The following ZNF84 variants were observed in gnomAD, a reference collection of about 807,000 sequenced individuals.
The protein encoded by ZNF84 is zinc finger protein HPF2.
In ZNF84, 12 loss-of-function variants were observed where a neutral mutation model predicts 14.8. That is an observed-to-expected ratio of 0.81 (90% confidence interval 0.52 to 1.31). The LOEUF is 1.31. ZNF84 is among the 50% of genes most tolerant of loss of function. The pLI, the probability that ZNF84 is intolerant of heterozygous loss-of-function variation, is 0.00. For missense variants in ZNF84, 859 were observed against 878.6 expected, an observed-to-expected ratio of 0.98 and a Z score of 0.28; for synonymous variants, 347 against 291.1, an observed-to-expected ratio of 1.19 and a Z score of -1.96.
intron 2 of ZNF84, among the ~76,000 whole-genome samples, chr12:133,042,813 TA>T (rs1304758717): frequency 1.3e-5 from 2 of 152,236 alleles, no homozygotes; most frequent in Non-Finnish European, 2.9e-5. Context: ...AAGTATGTTT[TA>T]AAAAATACAG....
intron 4 of ZNF84, among the ~76,000 whole-genome samples, chr12:133,053,829 T>A (rs1211960546): frequency 1.3e-5 from 2 of 152,168 alleles, no homozygotes. Context: ...ATAAACACCA[T>A]AATCTACCAA....
Position 133,046,973 on chromosome 12 carries a change from T to TTATA in ZNF84, c.16-971_16-968dup, listed in dbSNP as rs61361964. Among the ~76,000 whole-genome samples the TTATA allele has an allele frequency of 2.1e-3, 293 of 140,916 alleles. 2 individuals are homozygous for TTATA. The highest frequency in any genetic ancestry group is 7.3e-3 in the Middle Eastern group (2 of 274). The allele number at this position is 140,916 out of a possible 152,430, so 92.4% of individuals were successfully genotyped here. A position where few individuals can be genotyped will look rare whatever the true frequency, so the allele number is the denominator to read the frequency against. ...TATATTATATTATGTATTATATTATTTATATATATATATAATACAGGTCTC... is the reference window on the plus strand; with the variant it reads ...TATATTATATTATGTATTATATTATTTATATATATATATATATAATACAGGTCTC... On this transcript the variant is annotated intron_variant, in intron 2 of 4. Transcript: ENST00000539354.
intron 4 of ZNF84, among the ~76,000 whole-genome samples, chr12:133,052,091 A>T (rs1696392): frequency 0.47 from 71,047 of 151,994 alleles, 18,373 homozygotes; most frequent in East Asian, 0.78. Flanking sequence ...CAGAAAAATT[A>T]GATGAGAGAA....
At chr12:133,056,851 C>A in intron 4 of ZNF84, 103 bp from the exon 5 acceptor site, 1 of 970,864 alleles carries the variant, frequency 1.0e-6, no homozygotes, top group Non-Finnish European at 1.5e-6. Context: ...GAAACTAAGC[C>A]TTAAAAGCAG....
chr12:133,048,788 T>G lies in ZNF84; in HGVS notation c.178T>G (p.Leu60Val). The change falls in exon 4 of 5, where the codon TTG (leucine) becomes GTG (valine). Residue 60 changes from leucine to valine, a missense_variant. By Grantham distance (32) the Leu-to-Val change is conservative (BLOSUM62 1). Transcript: ENST00000539354. ...EVMKPDVIFK[L>V]EQGEEPWVGD... is the part of the protein sequence containing the mutation. ...TATGAAACCAGATGTCATCTTCAAATTGGAGCAAGGAGAAGAGCCGTGGGT... is the reference window on the plus strand; with the variant it reads ...TATGAAACCAGATGTCATCTTCAAAGTGGAGCAAGGAGAAGAGCCGTGGGT... 1.2e-6 allele frequency: 2 copies of G among 1,613,840 alleles called. No homozygotes were observed. The highest frequency in any genetic ancestry group is 8.5e-7 in the Non-Finnish European group (1 of 1,179,872).
chr12:133,055,821 C>T (rs113367758), intron 4 of ZNF84, among the ~76,000 whole-genome samples: 12 of 152,168 alleles, frequency 7.9e-5, no homozygotes, highest in East Asian at 7.7e-4. Flanking sequence ...AAAATTGGCC[C>T]GGCGCAGTGG....
At chr12:133,056,012 G>T (rs1404525395) in intron 4 of ZNF84, among the ~76,000 whole-genome samples, 4 of 152,184 alleles carry the variant, frequency 2.6e-5, no homozygotes, top group Non-Finnish European at 5.9e-5. Context: ...AAGGTGGGAG[G>T]ATCTAAGTGG....
intron 4 of ZNF84, among the ~76,000 whole-genome samples, chr12:133,050,308 T>TA (rs1211934647): frequency 1.3e-5 from 2 of 152,182 alleles, no homozygotes; most frequent in Non-Finnish European, 2.9e-5. Context: ...GAAGCCCAGG[T>TA]ATTTATGTAC....
At chr12:133,041,545 G>A (rs906535874) in intron 2 of ZNF84, 63 bp downstream of exon 2, 3 of 1,542,904 alleles carry the variant, frequency 1.9e-6, no homozygotes, top group Non-Finnish European at 2.7e-6. Flanking sequence ...TAAGCCTTCC[G>A]GTGAAAAAGA....
chr12:133,048,316 G>T, intron 3 of ZNF84: 1 of 414,378 alleles, frequency 2.4e-6, no homozygotes, highest in East Asian at 4.1e-5. Flanking sequence ...AGTAGTAATA[G>T]TTTGAGCAGT....
chr12:133,049,818 A>AT (rs1954043108), intron 4 of ZNF84, among the ~76,000 whole-genome samples: 1 of 151,770 alleles, frequency 6.6e-6, no homozygotes, highest in South Asian at 2.1e-4. Context: ...TTGTTTAAAA[A>AT]TTTTTTTTCT....
chr12:133,042,917 C>T (rs1953910830), intron 2 of ZNF84, among the ~76,000 whole-genome samples: 1 of 152,154 alleles, frequency 6.6e-6, no homozygotes, highest in Non-Finnish European at 1.5e-5. Context: ...CTTCATGTGC[C>T]CTCTCCCAGT....
chr12:133,060,673 ATCTG>A lies in ZNF84; in HGVS notation c.*1743_*1746del, dbSNP rs1954246133. ...GTCACATCCTCTTAAGTCAGGAACTATCTGTATAAGGAAACAAGATTTCCATTTT... is the reference window on the plus strand; with the variant it reads ...GTCACATCCTCTTAAGTCAGGAACTATATAAGGAAACAAGATTTCCATTTT... On this transcript the variant is annotated 3_prime_UTR_variant, in exon 5 of 5. Transcript: ENST00000539354. The A allele has an allele frequency of 6.6e-6, 1 of 152,252 alleles. No homozygotes were observed. Among genetic ancestry groups the A allele is most frequent in the Non-Finnish European group, 1.5e-5 (1 of 68,050 alleles). 9.4% of individuals were successfully genotyped at this position (152,252 alleles called of 1,614,324 possible).
At position 133,048,749 on chromosome 12, in the gene ZNF84, A is replaced by G. The variant is rs1332086435; in HGVS notation, c.143-4A>G. On this transcript the variant is annotated splice_polypyrimidine_tract_variant and splice_region_variant and intron_variant, in intron 3 of 4. Transcript: ENST00000539354. Reference sequence around the variant, plus strand: ...CAAGGCCTTTGTGATTTTTCCCTTAACAGGGTATGAAGTTATGAAACCAGA... The same window carrying G: ...CAAGGCCTTTGTGATTTTTCCCTTAGCAGGGTATGAAGTTATGAAACCAGA... 6 of 1,613,008 alleles carry G rather than the reference A, an allele frequency of 3.7e-6. No individual in the cohort carries two copies. The East Asian group carries it at 8.9e-5, about 24-fold the overall frequency.
At position 133,057,668 on chromosome 12, in the gene ZNF84, C is replaced by A. The variant is rs1954185002; in HGVS notation, c.953C>A (p.Pro318His). Residue 318 changes from proline (P) to histidine (H), a missense_variant, in exon 5 of 5, where the codon CCC becomes CAC. Pro to His is a moderately conservative substitution (Grantham distance 77). Transcript: ENST00000539354. ...TGGAGAACACACACAGGAGAGAAACCCTATGGATGCAATGAATGTGGGAGG... is the reference window on the plus strand; with the variant it reads ...TGGAGAACACACACAGGAGAGAAACACTATGGATGCAATGAATGTGGGAGG... ...SHWRTHTGEK[P>H]YGCNECGRAF... The A allele has an allele frequency of 6.2e-7, 1 of 1,613,850 alleles. No individual in the cohort carries two copies. The highest frequency in any genetic ancestry group is 8.5e-7 in the Non-Finnish European group (1 of 1,179,988).
At chr12:133,038,553 CCT>C (rs1953829798) in intron 1 of ZNF84, among the ~76,000 whole-genome samples, 1 of 43,662 alleles carries the variant, frequency 2.3e-5, no homozygotes, top group Non-Finnish European at 5.5e-5. Context: ...ACAGTAAGAC[CCT>C]GTCAAAAAAA....
At chr12:133,049,592 G>C (rs1954040077) in intron 4 of ZNF84, among the ~76,000 whole-genome samples, 1 of 151,914 alleles carries the variant, frequency 6.6e-6, no homozygotes. Flanking sequence ...CGATTCTCCT[G>C]CCTCAGCTTT....
intron 2 of ZNF84, among the ~76,000 whole-genome samples, chr12:133,044,595 T>A (rs1953945487): frequency 1.3e-5 from 2 of 152,160 alleles, no homozygotes; most frequent in African/African-American, 4.8e-5. Flanking sequence ...TTCTTCTTGT[T>A]ACTTTGGGTT....
At position 133,041,366 on chromosome 12, in the gene ZNF84, G is replaced by T. The variant is rs971315495; in HGVS notation, c.-102G>T. ...CCAGGAATTCATTCTCAGTGTAGAA[G>T]ACCTAGCTGAGACCTCACTCCACAG... On this transcript the variant is annotated 5_prime_UTR_variant, in exon 2 of 5. Coordinates refer to ENST00000539354, the MANE Select transcript of ZNF84 (RefSeq NM_001289971.2). 37 of 1,113,334 alleles carry T rather than the reference G, an allele frequency of 3.3e-5. No individual in the cohort carries two copies. Among genetic ancestry groups the T allele is most frequent in the Admixed American group, 1.6e-4 (9 of 56,030 alleles). The allele number at this position is 1,113,334 out of a possible 1,614,324, so 69.0% of individuals were successfully genotyped here. A position where few individuals can be genotyped will look rare whatever the true frequency, so the allele number is the denominator to read the frequency against.
Sources: allele counts gnomAD v4.1 joint callset (sites outside exome capture counted in the v4.1 genomes callset), GRCh38; gene constraint gnomAD v4.1.1; transcripts MANE v1.5; gene names NCBI Gene and HGNC (gene_info 2026-07-23, HGNC 2026-07-21).